The following RHOU variants were observed in gnomAD, a reference collection of about 807,000 sequenced individuals.
RHOU encodes rho-related GTP-binding protein RhoU.
A neutral mutation model predicts 12.6 loss-of-function variants in RHOU; 8 were observed. The ratio of observed to expected loss-of-function variants is 0.64; its 90% CI spans 0.37 to 1.15. The LOEUF is 1.15. RHOU is among the 50% of genes most tolerant of loss of function. RHOU has a pLI of 0.01. For missense variants in RHOU, 258 were observed against 347.0 expected (o/e 0.74, Z 2.04); for synonymous variants, 161 against 147.4 (o/e 1.09, Z -0.67).
At chr1:228,711,267 C>G in the RHOU span, among the ~76,000 whole-genome samples, 4 of 151,992 alleles carry the variant, frequency 2.6e-5, no homozygotes, top group Admixed American at 2.0e-4. Context: ...CCATCCCCAT[C>G]AAGCTACCAA....
At chr1:228,701,029 C>T in the RHOU span, among the ~76,000 whole-genome samples, 1 of 152,038 alleles carries the variant, frequency 6.6e-6, no homozygotes, top group African/African-American at 2.4e-5. Flanking sequence ...GTTGAGGCTG[C>T]AGTGAGCTGT....
the RHOU span, among the ~76,000 whole-genome samples, chr1:228,708,899 G>A: frequency 2.6e-5 from 4 of 152,292 alleles, no homozygotes; most frequent in Admixed American, 6.5e-5. Flanking sequence ...TCAGTGTGCT[G>A]TATTCAGGAA....
chr1:228,680,248 A>T, the RHOU span, among the ~76,000 whole-genome samples: 1 of 152,038 alleles, frequency 6.6e-6, no homozygotes, highest in Non-Finnish European at 1.5e-5. Flanking sequence ...GCCAGGGAAC[A>T]TTGGGTTTGG....
At chr1:228,735,210 G>A (rs1031808913), upstream of RHOU, 43 of 152,240 alleles carry the variant, frequency 2.8e-4, no homozygotes, top group African/African-American at 9.9e-4. The surrounding 1 kb of genome is among the most constrained non-coding windows in gnomAD (Gnocchi z 8.1). Flanking sequence ...AGGCTGGCCC[G>A]GCTCCTTCGG....
chr1:228,685,367 T>C, the RHOU span, among the ~76,000 whole-genome samples: 1 of 152,176 alleles, frequency 6.6e-6, no homozygotes, highest in East Asian at 1.9e-4. Flanking sequence ...CTGGTTCCAA[T>C]GCCTCTGACA....
At chr1:228,646,889 G>A in the RHOU span, among the ~76,000 whole-genome samples, 21 of 152,082 alleles carry the variant, frequency 1.4e-4, no homozygotes, top group Middle Eastern at 3.4e-3. Context: ...AACCGAGGGA[G>A]GGAGAGAGAC....
At chr1:228,690,698 A>C in the RHOU span, among the ~76,000 whole-genome samples, 1 of 151,396 alleles carries the variant, frequency 6.6e-6, no homozygotes, top group Non-Finnish European at 1.5e-5. Flanking sequence ...GCTCACTGAA[A>C]CCTTTGCCTT....
the RHOU span, among the ~76,000 whole-genome samples, chr1:228,711,346 G>A: frequency 4.0e-3 from 612 of 152,126 alleles, 4 homozygotes; most frequent in Middle Eastern, 0.027. Flanking sequence ...AGCCCGCATC[G>A]CCAAGTCAAT....
At position 228,735,828 on chromosome 1, in the gene RHOU, G is replaced by T; in HGVS notation, c.86G>T (p.Gly29Val). The T allele has an allele frequency of 1.6e-6, 2 of 1,231,240 alleles. No individual in the cohort carries two copies. The highest frequency in any genetic ancestry group is 2.0e-6 in the Non-Finnish European group (2 of 988,312). 76.3% of individuals were successfully genotyped at this position (1,231,240 alleles called of 1,614,324 possible). Residue 29 changes from glycine (G) to valine (V), a missense_variant, in exon 1 of 3, where the codon GGG (glycine) becomes GTG (valine). By Grantham distance (109) the Gly-to-Val change is moderately radical (BLOSUM62 -3). Coordinates refer to ENST00000366691, the MANE Select transcript of RHOU (RefSeq NM_021205.6). The surrounding 1 kb of genome is among the most constrained non-coding windows in gnomAD (Gnocchi z 8.1). ...VPPRRERGGR[G>V]GRGPGEPGGR... ...CCGCGTCGGGAGCGCGGTGGACGCG[G>T]GGGACGCGGGCCTGGGGAGCCGGGG...
At chr1:228,675,903 G>A in the RHOU span, among the ~76,000 whole-genome samples, 1 of 151,752 alleles carries the variant, frequency 6.6e-6, no homozygotes, top group Non-Finnish European at 1.5e-5. Flanking sequence ...TTTGGAGAGT[G>A]ATCCAGAGAA....
the RHOU span, among the ~76,000 whole-genome samples, chr1:228,690,479 C>G: frequency 2.6e-5 from 4 of 152,158 alleles, no homozygotes; most frequent in Admixed American, 6.5e-5. Context: ...GCATGCACCA[C>G]CACGCCTGGC....
chr1:228,650,626 A>T, the RHOU span: 4 of 448,338 alleles, frequency 8.9e-6, no homozygotes, highest in Non-Finnish European at 8.8e-6. Context: ...GGGATATGAG[A>T]CCTTCTTCCA....
chr1:228,708,513 TAAAG>T, the RHOU span, among the ~76,000 whole-genome samples: 1 of 151,262 alleles, frequency 6.6e-6, no homozygotes, highest in African/African-American at 2.4e-5. Context: ...TCAACATTCT[TAAAG>T]AAAAGAATTT....
In RHOU at chr1:228,737,621, C is replaced by T. The variant is rs373336686; in HGVS notation, c.263-52C>T. 182 of 1,535,716 alleles carry T rather than the reference C, an allele frequency of 1.2e-4. No homozygotes were observed. In the African/African-American group the frequency reaches 2.0e-3, roughly 17 times the overall value. ...GTGAAAGCTAAAACTATTAGTATTC[C>T]GAAAGGGGTTAAAAGACACCTCCTG... On this transcript the variant is annotated intron_variant, in intron 1 of 2. Transcript: ENST00000366691. This position sits in a 1 kb window ranked among gnomAD's most constrained non-coding sequence, Gnocchi z 4.1.
chr1:228,696,831 G>A, the RHOU span, among the ~76,000 whole-genome samples: 6 of 152,092 alleles, frequency 3.9e-5, no homozygotes, highest in Non-Finnish European at 8.8e-5. Flanking sequence ...ACAGGAATGA[G>A]CCACCATGCC....
At chr1:228,678,796 G>A in the RHOU span, among the ~76,000 whole-genome samples, 1 of 152,018 alleles carries the variant, frequency 6.6e-6, no homozygotes, top group African/African-American at 2.4e-5. Context: ...AATAGATTTT[G>A]GAAGTTATGA....
chr1:228,710,987 A>G, the RHOU span, among the ~76,000 whole-genome samples: 1 of 152,070 alleles, frequency 6.6e-6, no homozygotes, highest in Non-Finnish European at 1.5e-5. Context: ...ATCAATGTAC[A>G]AAAATCACAA....
chr1:228,699,890 A>G, the RHOU span, among the ~76,000 whole-genome samples: 1 of 152,220 alleles, frequency 6.6e-6, no homozygotes, highest in Non-Finnish European at 1.5e-5. Flanking sequence ...CTCTCTATAA[A>G]TCTTTAGTTG....
At chr1:228,698,629 A>G in the RHOU span, among the ~76,000 whole-genome samples, 1 of 152,248 alleles carries the variant, frequency 6.6e-6, no homozygotes, top group African/African-American at 2.4e-5. Flanking sequence ...ACTCTAAACC[A>G]TGGAAGAAAA....
Sources: gnomAD v4.1 joint callset for allele counts (sites outside exome capture counted in the v4.1 genomes callset) on GRCh38, gnomAD v4.1.1 for gene constraint, Gnocchi (gnomAD v3.1) non-coding constraint, MANE v1.5 for transcripts, NCBI Gene and HGNC (gene_info 2026-07-23, HGNC 2026-07-21) for gene names.